Variants in ZNF106 observed in about 807,000 individuals in gnomAD.
ZNF106 encodes the protein zinc finger protein 106.
A neutral mutation model predicts 195.1 loss-of-function variants in ZNF106; 67 were observed. The ratio of observed to expected loss-of-function variants is 0.34; its 90% CI spans 0.28 to 0.42. ZNF106 has a LOEUF of 0.42. Ranked by LOEUF, ZNF106 falls within the 10% of genes least tolerant of loss-of-function variation. The pLI is 1.00. For missense variants in ZNF106, 2,118 were observed against 2,304.5 expected, an observed-to-expected ratio of 0.92 and a Z score of 1.66; for synonymous variants, 784 against 818.6, an observed-to-expected ratio of 0.96 and a Z score of 0.72.
In ZNF106 at chr15:42,450,463, C is replaced by G; in HGVS notation, c.1809G>C (p.Glu603Asp). 1 of 1,614,144 alleles carries G rather than the reference C, an allele frequency of 6.2e-7. No homozygotes were observed. Among genetic ancestry groups the G allele is most frequent in the Non-Finnish European group, 8.5e-7 (1 of 1,180,024 alleles). Residue 603 changes from glutamate (E) to aspartate (D), a missense_variant, in exon 5 of 22, where the codon GAG (glutamate) becomes GAC (aspartate). Coordinates refer to ENST00000564754, the MANE Select transcript of ZNF106 (RefSeq NM_001366845.3). ...CATCTTCTAGTGCGTGCACTTGAAACTCAATTTTCAAAGACCCTTTTTCAG... is the reference window on the plus strand; with the variant it reads ...CATCTTCTAGTGCGTGCACTTGAAAGTCAATTTTCAAAGACCCTTTTTCAG... ...EESEKGSLKI[E>D]FQVHALEDES...
intron 9 of ZNF106, 113 bp from the exon 10 acceptor site, chr15:42,442,527 T>C: frequency 1.2e-6 from 1 of 831,772 alleles, no homozygotes; most frequent in Non-Finnish European, 1.8e-6. Flanking sequence ...AATAAGTATA[T>C]TAGTATAGTC....
rs1223470938 is a variant in ZNF106 at position 42,442,391 on chromosome 15, G to A, written c.3445C>T (p.Pro1149Ser). The A allele has an allele frequency of 1.2e-6, 2 of 1,613,312 alleles. No homozygotes were observed. Among genetic ancestry groups the A allele is most frequent in the African/African-American group, 2.7e-5 (2 of 74,960 alleles). The part of the protein sequence containing the change: ...LQETYEPSEH[P>S]DQVPCSLTRE... ...GTGAGGCTACAGGGAACCTGGTCTGGGTGCTCAGAAGGTTCATATGTTTCT... is the reference window on the plus strand; with the variant it reads ...GTGAGGCTACAGGGAACCTGGTCTGAGTGCTCAGAAGGTTCATATGTTTCT... The change falls in exon 10 of 22, where the codon CCA (proline) becomes TCA (serine). Residue 1149 changes from proline to serine, a missense_variant. Coordinates refer to ENST00000564754, the MANE Select transcript of ZNF106 (RefSeq NM_001366845.3).
chr15:42,421,958 G>T lies in ZNF106; in HGVS notation c.5404C>A (p.His1802Asn), dbSNP rs1381013888. 1.3e-6 allele frequency: 2 copies of T among 1,581,464 alleles called. No individual in the cohort carries two copies. Among genetic ancestry groups the T allele is most frequent in the South Asian group, 1.1e-5 (1 of 87,972 alleles). The change falls in exon 19 of 22, where the codon CAC becomes AAC. Residue 1802 changes from histidine (H) to asparagine (N), a missense_variant. Transcript: ENST00000564754. The stretch of plus-strand genomic sequence containing the variant: ...GTCATACACATAATCATGTCTTTGT[G>T]TCCTCCATAAACTTGTAATCGATCA... ...SHDRLQVYGG[H>N]KDMIMCMTIH... is the part of the protein sequence containing the mutation.
In ZNF106 at chr15:42,450,319, ATCC is replaced by A. The variant is rs1294617117; in HGVS notation, c.1950_1952del (p.Glu650del). The A allele has an allele frequency of 6.2e-7, 1 of 1,614,170 alleles. No individual in the cohort carries two copies. The highest frequency in any genetic ancestry group is 1.7e-5 in the Admixed American group (1 of 60,014). On this transcript the variant is annotated inframe_deletion, in exon 5 of 22. Transcript: ENST00000564754. ...CTCTAGAAGTCTTCAGGATGCGGTC[ATCC>A]TCCTCTTTCTCATCAGCAGTTCGAG...
chr15:42,479,218 AC>A (rs2056849055), intron 1 of ZNF106, among the ~76,000 whole-genome samples: 1 of 152,000 alleles, frequency 6.6e-6, no homozygotes, highest in East Asian at 1.9e-4. Context: ...TACTAAAAAC[AC>A]AAAAATTAGC....
At chr15:42,432,440 C>A (rs12438845) in intron 14 of ZNF106, among the ~76,000 whole-genome samples, 15,634 of 152,188 alleles carry the variant, frequency 0.1, 924 homozygotes, top group Non-Finnish European at 0.13. Context: ...CAGGCATGAG[C>A]CGCAGTGCCC....
chr15:42,482,927 CA>C (rs2056936014), intron 1 of ZNF106, among the ~76,000 whole-genome samples: 1 of 152,194 alleles, frequency 6.6e-6, no homozygotes, highest in South Asian at 2.1e-4. Context: ...AGTTTATTCA[CA>C]GAGTCTGATG....
intron 1 of ZNF106, among the ~76,000 whole-genome samples, chr15:42,486,991 A>C (rs2057030916): frequency 6.6e-6 from 1 of 151,898 alleles, no homozygotes; most frequent in African/African-American, 2.4e-5. Flanking sequence ...TCTACTAAAA[A>C]TACAAAAAAT....
In ZNF106 at chr15:42,451,812, C is replaced by T; in HGVS notation, c.460G>A (p.Asp154Asn). 12 of 1,614,222 alleles carry T rather than the reference C, an allele frequency of 7.4e-6. No individual in the cohort carries two copies. The highest frequency in any genetic ancestry group is 1.0e-5 in the Non-Finnish European group (12 of 1,180,036). Residue 154 changes from aspartate (D) to asparagine (N), a missense_variant, in exon 5 of 22, where the codon GAT (aspartate) becomes AAT (asparagine). Physicochemically the swap from Asp to Asn is conservative, Grantham distance 23 (BLOSUM62 1). Transcript: ENST00000564754. ...AWHHRGPPQRDWKWEKDGFNN... is the reference protein window; with the variant it reads ...AWHHRGPPQRNWKWEKDGFNN... ...AAGCCATCTTTTTCCCATTTCCAAT[C>T]CCGCTGTGGAGGTCCACGATGATGC... is the stretch of plus-strand genomic sequence containing the variant.
At chr15:42,456,386 C>T (rs557761902) in intron 4 of ZNF106, among the ~76,000 whole-genome samples, 2 of 152,196 alleles carry the variant, frequency 1.3e-5, no homozygotes, top group African/African-American at 2.4e-5. Flanking sequence ...CGGTGGCTCA[C>T]GCCTGTAATT....
At position 42,449,926 on chromosome 15, in the gene ZNF106, A is replaced by G. The variant is rs1254671673; in HGVS notation, c.2346T>C (p.Asn782=). The change falls in exon 5 of 22, where the codon AAT becomes AAC. Residue 782 remains asparagine (N), a synonymous_variant. Coordinates refer to ENST00000564754, the MANE Select transcript of ZNF106 (RefSeq NM_001366845.3). ...PNLNSARRIR[N]ISGHRKSETE... ...TCTCACTCTTTCGGTGACCGCTAAT[A>G]TTGCGAATGCGGCGGGCACTATTGA... 1 of 1,614,030 alleles carries G rather than the reference A, an allele frequency of 6.2e-7. No individual in the cohort carries two copies. Among genetic ancestry groups the G allele is most frequent in the Non-Finnish European group, 8.5e-7 (1 of 1,180,036 alleles).
chr15:42,462,969 T>C (rs981388146), intron 3 of ZNF106, among the ~76,000 whole-genome samples: 1 of 65,582 alleles, frequency 1.5e-5, no homozygotes, highest in African/African-American at 1.9e-4. Flanking sequence ...TGTTTTTTGT[T>C]TTTTTTTTTG....
intron 10 of ZNF106, 105 bp from the exon 11 acceptor site, chr15:42,439,918 T>G: frequency 8.1e-7 from 1 of 1,240,474 alleles, no homozygotes; most frequent in Non-Finnish European, 1.1e-6. Context: ...CAGAAAACCA[T>G]GACTGTTTCA....
intron 1 of ZNF106, among the ~76,000 whole-genome samples, chr15:42,473,404 C>G (rs1402416133): frequency 2.6e-5 from 4 of 152,170 alleles, no homozygotes; most frequent in Non-Finnish European, 5.9e-5. Context: ...CGCATGCCCT[C>G]CCGTTCTTCC....
In ZNF106 at chr15:42,448,004, C is replaced by A. The variant is rs143888195; in HGVS notation, c.3135+68G>T. The stretch of plus-strand genomic sequence containing the variant: ...CAGATACCCAAGAAAAACAGTTGAA[C>A]CTTTTTTCATAAGCAACCAACTTGC... On this transcript the variant is annotated intron_variant, in intron 6 of 21. Coordinates refer to ENST00000564754, the MANE Select transcript of ZNF106 (RefSeq NM_001366845.3). 3.3e-6 allele frequency: 5 copies of A among 1,510,538 alleles called. No individual in the cohort carries two copies. In the African/African-American group the frequency reaches 5.6e-5, roughly 17 times the overall value. 93.6% of individuals were successfully genotyped at this position (1,510,538 alleles called of 1,614,324 possible).
Position 42,451,737 on chromosome 15 carries a change from C to T in ZNF106, c.535G>A (p.Gly179Arg). The T allele has an allele frequency of 6.2e-7, 1 of 1,614,196 alleles. No homozygotes were observed. The highest frequency in any genetic ancestry group is 8.5e-7 in the Non-Finnish European group (1 of 1,180,034). Residue 179 changes from glycine to arginine, a missense_variant, in exon 5 of 22, where the codon GGA becomes AGA. Transcript: ENST00000564754. Reference sequence around the variant, plus strand: ...TGCCACCCGGAACGTCCTCTTGGTCCACCACCATTCCTCAAAGAATGTGGA... The same window carrying T: ...TGCCACCCGGAACGTCCTCTTGGTCTACCACCATTCCTCAAAGAATGTGGA... ...SFPHSLRNGG[G>R]PRGRSGWHKG...
rs973469882 is a variant in ZNF106 at position 42,444,262 on chromosome 15, T to C, written c.3361A>G (p.Ile1121Val). The change falls in exon 9 of 22, where the codon ATA (isoleucine) becomes GTA (valine). Residue 1121 changes from isoleucine (I) to valine (V), a missense_variant and splice_region_variant. Ile to Val is a conservative substitution (Grantham distance 29). Transcript: ENST00000564754. The part of the protein sequence containing the change: ...VQRLLMLKQQ[I>V]TMEMSALRTH... Reference sequence around the variant, plus strand: ...CTCAGTGCACTCATCTCCATAGTTATCTAAAAATAAAGTATTTTATTAAGC... The same window carrying C: ...CTCAGTGCACTCATCTCCATAGTTACCTAAAAATAAAGTATTTTATTAAGC... 6.2e-7 allele frequency: 1 copy of C among 1,605,902 alleles called. No homozygotes were observed. The highest frequency in any genetic ancestry group is 8.5e-7 in the Non-Finnish European group (1 of 1,174,406).
chr15:42,486,764 C>CT lies in ZNF106; in HGVS notation c.-33+4215dup, dbSNP rs1466657605. The stretch of plus-strand genomic sequence containing the variant: ...GCTTAGAGTCACAGTTTCCAAGATC[C>CT]TATTGATGTTAAGTGAGGACTTGTT... On this transcript the variant is annotated intron_variant, in intron 1 of 21. Coordinates refer to ENST00000564754, the MANE Select transcript of ZNF106 (RefSeq NM_001366845.3). Among the ~76,000 whole-genome samples the CT allele has an allele frequency of 7.9e-5, 12 of 152,036 alleles. No homozygotes were observed. In the South Asian group the frequency reaches 2.5e-3, roughly 32 times the overall value.
intron 1 of ZNF106, among the ~76,000 whole-genome samples, chr15:42,487,589 TTTC>T (rs910426351): frequency 1.3e-5 from 2 of 151,724 alleles, no homozygotes; most frequent in African/African-American, 2.4e-5. Flanking sequence ...CTCTTGTGAG[TTTC>T]TTATTTGTTT....
Sources: gnomAD v4.1 joint callset for allele counts (sites outside exome capture counted in the v4.1 genomes callset) on GRCh38, gnomAD v4.1.1 for gene constraint, MANE v1.5 for transcripts, NCBI Gene and HGNC (gene_info 2026-07-23, HGNC 2026-07-21) for gene names.